The following TM6SF1 variants were observed in gnomAD, a reference collection of about 807,000 sequenced individuals.
The protein encoded by TM6SF1 is transmembrane 6 superfamily member 1.
In TM6SF1, 43 loss-of-function variants were observed where a neutral mutation model predicts 47.1. The ratio of observed to expected loss-of-function variants is 0.91; its 90% CI spans 0.72 to 1.18. The LOEUF is 1.18. TM6SF1 is among the 50% of genes most tolerant of loss of function. TM6SF1 has a pLI of 0.00. For synonymous variants in TM6SF1, 177 were observed against 166.3 expected (o/e 1.06, Z -0.49); for missense variants, 390 against 449.0 (o/e 0.87, Z 1.19).
intron 2 of TM6SF1, chr15:83,114,789 C>G (rs1164250260): frequency 6.6e-6 from 1 of 152,222 alleles, no homozygotes; most frequent in Non-Finnish European, 1.5e-5. Context: ...GCAGCTTTGA[C>G]AAACTAACAT....
At position 83,121,959 on chromosome 15, in the gene TM6SF1, CTATTAT is replaced by C. The variant is rs1327462129; in HGVS notation, c.441_446del (p.Ile147_Ile148del). On this transcript the variant is annotated inframe_deletion, in exon 5 of 10. Coordinates refer to ENST00000322019, the MANE Select transcript of TM6SF1 (RefSeq NM_023003.5). Reference sequence around the variant, plus strand: ...ACCATTGGCCTATATTGGGTTGGATCTATTATTATGAGTGTTGTTGTTTTTGTGCCA... The same window carrying C: ...ACCATTGGCCTATATTGGGTTGGATCTATGAGTGTTGTTGTTTTTGTGCCA... 2.5e-6 allele frequency: 4 copies of C among 1,611,212 alleles called. No homozygotes were observed. The highest frequency in any genetic ancestry group is 2.5e-6 in the Non-Finnish European group (3 of 1,179,298).
At chr15:83,111,166 C>T (rs1200785018) in intron 1 of TM6SF1, among the ~76,000 whole-genome samples, 1 of 152,198 alleles carries the variant, frequency 6.6e-6, no homozygotes, top group Non-Finnish European at 1.5e-5. Context: ...GCCACTGCGC[C>T]CGGCCTCATT....
chr15:83,131,933 C>T (rs1451935681), intron 9 of TM6SF1: 2 of 152,128 alleles, frequency 1.3e-5, no homozygotes, highest in African/African-American at 4.8e-5. Flanking sequence ...AGCATTTTCT[C>T]TGCTAAAATA....
intron 9 of TM6SF1, chr15:83,129,741 T>G (rs766805696): frequency 6.6e-6 from 1 of 152,472 alleles, no homozygotes; most frequent in East Asian, 1.9e-4. Context: ...GGCAGTGACA[T>G]TCCGAGTTGG....
chr15:83,122,432 T>C (rs986366059), intron 5 of TM6SF1, among the ~76,000 whole-genome samples: 4 of 152,162 alleles, frequency 2.6e-5, no homozygotes, highest in East Asian at 1.9e-4. Context: ...TATAGGGAGA[T>C]AGATATATAC....
intron 4 of TM6SF1, chr15:83,120,012 A>G (rs1225497333): frequency 8.3e-6 from 2 of 240,540 alleles, no homozygotes; most frequent in Non-Finnish European, 1.6e-5. Context: ...TCCAAACAGC[A>G]ATCTCATTTC....
chr15:83,107,652 G>T lies in TM6SF1; in HGVS notation c.-29G>T. ...TGGGGCGGGGCGCCCAGCGGGATGC[G>T]GTGAAGGGCGAGCGGCGCGGCGGCT... On this transcript the variant is annotated 5_prime_UTR_variant, in exon 1 of 10. Coordinates refer to ENST00000322019, the MANE Select transcript of TM6SF1 (RefSeq NM_023003.5). The surrounding 1 kb of genome is among the most constrained non-coding windows in gnomAD (Gnocchi z 5.6). 3.3e-6 allele frequency: 5 copies of T among 1,518,388 alleles called. No homozygotes were observed. Among genetic ancestry groups the T allele is most frequent in the Non-Finnish European group, 4.4e-6 (5 of 1,132,484 alleles). 94.1% of individuals were successfully genotyped at this position (1,518,388 alleles called of 1,614,324 possible).
At position 83,109,866 on chromosome 15, in the gene TM6SF1, A is replaced by G. The variant is rs186083699; in HGVS notation, c.92+2094A>G. Among the ~76,000 whole-genome samples the G allele has an allele frequency of 3.2e-4, 49 of 152,170 alleles. No individual in the cohort carries two copies. In the Middle Eastern group the frequency reaches 0.01, roughly 32 times the overall value. On this transcript the variant is annotated intron_variant, in intron 1 of 9. Coordinates refer to ENST00000322019, the MANE Select transcript of TM6SF1 (RefSeq NM_023003.5). ...AGGGATGCTGCCTTCCTCCTATCGCAGACTGTTGAAGCCGCACCTGGACTT... is the reference window on the plus strand; with the variant it reads ...AGGGATGCTGCCTTCCTCCTATCGCGGACTGTTGAAGCCGCACCTGGACTT...
intron 2 of TM6SF1, chr15:83,114,279 C>CT (rs1275577005): frequency 6.6e-6 from 1 of 152,450 alleles, no homozygotes; most frequent in African/African-American, 2.4e-5. Context: ...TCTGTTACAA[C>CT]TTTGAGTACA....
At chr15:83,114,709 A>C (rs2034499605) in intron 2 of TM6SF1, 1 of 152,134 alleles carries the variant, frequency 6.6e-6, no homozygotes, top group Non-Finnish European at 1.5e-5. Flanking sequence ...TCTTATATTC[A>C]CCATCAGATT....
chr15:83,118,820 T>A (rs2034944086), intron 3 of TM6SF1, among the ~76,000 whole-genome samples: 1 of 152,168 alleles, frequency 6.6e-6, no homozygotes, highest in African/African-American at 2.4e-5. Context: ...TGACAGTGAT[T>A]TTCTAGAAGC....
Position 83,126,831 on chromosome 15 carries a change from C to G in TM6SF1, c.785C>G (p.Ala262Gly). 1 of 1,613,202 alleles carries G rather than the reference C, an allele frequency of 6.2e-7. No individual in the cohort carries two copies. The highest frequency in any genetic ancestry group is 1.1e-5 in the South Asian group (1 of 90,938). Residue 262 changes from alanine (A) to glycine (G), a missense_variant, in exon 8 of 10, where the codon GCT becomes GGT. Transcript: ENST00000322019. ...FQEPYLKDPA[A>G]YPKIQMLAYM... ...GAGCCCTATCTAAAGGATCCTGCTG[C>G]TTATCCTAAAATTCAGGTCAAGTAG...
intron 3 of TM6SF1, 70 bp from the exon 4 acceptor site, chr15:83,119,508 C>A: frequency 1.4e-6 from 2 of 1,443,430 alleles, no homozygotes; most frequent in Admixed American, 1.8e-5. Flanking sequence ...ATTTTACTTG[C>A]AATACAGGTC....
At chr15:83,110,806 C>A (rs1456775464) in intron 1 of TM6SF1, among the ~76,000 whole-genome samples, 1 of 152,216 alleles carries the variant, frequency 6.6e-6, no homozygotes, top group Admixed American at 6.5e-5. Flanking sequence ...CAGAAACCTC[C>A]TATTTTTCAG....
At chr15:83,115,967 A>G (rs1451450441) in intron 3 of TM6SF1, 25 bp downstream of exon 3, 1 of 1,573,452 alleles carries the variant, frequency 6.4e-7, no homozygotes, top group Non-Finnish European at 8.7e-7. Flanking sequence ...AGTGATTATG[A>G]GGTTTCAACC....
chr15:83,112,829 T>A lies in TM6SF1; in HGVS notation c.125T>A (p.Ile42Asn). Residue 42 changes from isoleucine (I) to asparagine (N), a missense_variant, in exon 2 of 10, where the codon ATC becomes AAC. Coordinates refer to ENST00000322019, the MANE Select transcript of TM6SF1 (RefSeq NM_023003.5). ...ACTATTGTAGGGGTTGCTGCCCTCATCCTGTTCCTGGTAGCACTGCTGGCT... is the reference window on the plus strand; with the variant it reads ...ACTATTGTAGGGGTTGCTGCCCTCAACCTGTTCCTGGTAGCACTGCTGGCT... ...SWTIVGVAALILFLVALLARV... is the reference protein window; with the variant it reads ...SWTIVGVAALNLFLVALLARV... 6.2e-7 allele frequency: 1 copy of A among 1,614,152 alleles called. No individual in the cohort carries two copies. The highest frequency in any genetic ancestry group is 8.5e-7 in the Non-Finnish European group (1 of 1,180,004).
chr15:83,119,759 G>C (rs1207375482), intron 4 of TM6SF1, 78 bp downstream of exon 4: 1 of 1,596,756 alleles, frequency 6.3e-7, no homozygotes, highest in Non-Finnish European at 8.5e-7. Flanking sequence ...GTTATGCATA[G>C]AGGCAAATAC....
chr15:83,107,665 C>G lies in TM6SF1; in HGVS notation c.-16C>G, dbSNP rs775945976. The stretch of plus-strand genomic sequence containing the variant: ...CCAGCGGGATGCGGTGAAGGGCGAG[C>G]GGCGCGGCGGCTGCGATGAGTGCCT... On this transcript the variant is annotated 5_prime_UTR_variant, in exon 1 of 10. Transcript: ENST00000322019. This position sits in a 1 kb window ranked among gnomAD's most constrained non-coding sequence, Gnocchi z 5.6. The G allele has an allele frequency of 6.5e-7, 1 of 1,534,022 alleles. No homozygotes were observed. Among genetic ancestry groups the G allele is most frequent in the Non-Finnish European group, 8.8e-7 (1 of 1,141,316 alleles).
rs1175914996 is a variant in TM6SF1, at chr15:83,127,589, T to G, written c.921+112T>G. On this transcript the variant is annotated intron_variant, in intron 9 of 9. Transcript: ENST00000322019. The stretch of plus-strand genomic sequence containing the variant: ...TAGACTAGGAGATAGCTATTAGACA[T>G]GTCACCTTTTGTTTTGCAGTTCTTC... 5 of 1,186,384 alleles carry G rather than the reference T, an allele frequency of 4.2e-6. No homozygotes were observed. In the Admixed American group the frequency reaches 1.2e-4, roughly 27 times the overall value. 73.5% of individuals were successfully genotyped at this position (1,186,384 alleles called of 1,614,324 possible). A position where few individuals can be genotyped will look rare whatever the true frequency, so the allele number is the denominator to read the frequency against.
Sources: allele counts gnomAD v4.1 joint callset (sites outside exome capture counted in the v4.1 genomes callset), GRCh38; gene constraint gnomAD v4.1.1; non-coding constraint Gnocchi (gnomAD v3.1); transcripts MANE v1.5; gene names NCBI Gene and HGNC (gene_info 2026-07-23, HGNC 2026-07-21).